Variants in DLL4 observed in about 807,000 individuals in gnomAD.
The protein encoded by DLL4 is delta like canonical Notch ligand 4.
In DLL4, 7 loss-of-function variants were observed where a neutral mutation model predicts 73.6. The ratio of observed to expected loss-of-function variants is 0.10; its 90% CI spans 0.05 to 0.18. The LOEUF (loss-of-function observed/expected upper bound fraction) is 0.18. Ranked by LOEUF, DLL4 falls within the 10% of genes least tolerant of loss-of-function variation. The pLI is 1.00. For missense variants in DLL4, 614 were observed against 929.9 expected (o/e 0.66, Z 4.42); for synonymous variants, 345 against 374.3 (o/e 0.92, Z 0.90).
intron 10 of DLL4, among the ~76,000 whole-genome samples, chr15:40,937,794 G>A (rs1892865723): frequency 2.0e-5 from 3 of 152,140 alleles, no homozygotes; most frequent in Non-Finnish European, 2.9e-5. Flanking sequence ...ATGGGTGAGG[G>A]GGCCCCTCAC....
rs752043172 is a variant in DLL4, at chr15:40,936,776, G to T, written c.1789G>T (p.Asp597Tyr). 1.2e-6 allele frequency: 2 copies of T among 1,613,838 alleles called. No individual in the cohort carries two copies. The highest frequency in any genetic ancestry group is 8.5e-7 in the Non-Finnish European group (1 of 1,179,866). ...NTNQKKELEV[D>Y]CGLDKSNCGK... is the part of the protein sequence containing the mutation. The stretch of plus-strand genomic sequence containing the variant: ...AAACCAGAAGAAGGAGCTGGAAGTG[G>T]ACTGTGGCCTGGACAAGTCCAACTG... Residue 597 changes from aspartate to tyrosine, a missense_variant, in exon 9 of 11, where the codon GAC (aspartate) becomes TAC (tyrosine). Coordinates refer to ENST00000249749, the MANE Select transcript of DLL4 (RefSeq NM_019074.4).
chr15:40,935,576 G>A (rs1441423394), intron 8 of DLL4, among the ~76,000 whole-genome samples: 2 of 152,202 alleles, frequency 1.3e-5, no homozygotes, highest in Admixed American at 6.5e-5. Flanking sequence ...AAAGCCTGTT[G>A]GTAATCCTTG....
In DLL4 at chr15:40,936,314, G is replaced by A. The variant is rs762820678; in HGVS notation, c.1327G>A (p.Asp443Asn). Residue 443 changes from aspartate (D) to asparagine (N), a missense_variant, in exon 9 of 11, where the codon GAC becomes AAC. By Grantham distance (23) the Asp-to-Asn change is conservative (BLOSUM62 1). Transcript: ENST00000249749. ...CACCTACTGTGAACTCCACGTCAGC[G>A]ACTGTGCCCGTAACCCTTGCGCCCA... ...TGTYCELHVS[D>N]CARNPCAHGG... The A allele has an allele frequency of 5.5e-5, 88 of 1,609,234 alleles. No homozygotes were observed. In the Middle Eastern group the frequency reaches 9.9e-4, roughly 18 times the overall value.
chr15:40,930,815 C>A lies in DLL4; in HGVS notation c.394+133C>A. The A allele has an allele frequency of 3.4e-6, 3 of 870,054 alleles. No homozygotes were observed. The highest frequency in any genetic ancestry group is 3.3e-5 in the South Asian group (2 of 61,262). The allele number at this position is 870,054 out of a possible 1,614,324, so 53.9% of individuals were successfully genotyped here. On this transcript the variant is annotated intron_variant, in intron 3 of 10. Transcript: ENST00000249749. The surrounding 1 kb of genome is among the most constrained non-coding windows in gnomAD (Gnocchi z 5.7). ...CTTAGCTTGGCCTGGAGCTGCGCCC[C>A]GCGCTGGACGCTCGGATTCCGCTCG...
rs1335649953 is a variant in DLL4 at position 40,934,708 on chromosome 15, C to T, written c.1011C>T (p.Gly337=). ...ACAGCAACCCCTGTCGCAATGGAGGCAGCTGTAAGGTGAGGCCCAGACCAG... is the reference window on the plus strand; with the variant it reads ...ACAGCAACCCCTGTCGCAATGGAGGTAGCTGTAAGGTGAGGCCCAGACCAG... ...ECDSNPCRNG[G]SCKDQEDGYH... The change falls in exon 7 of 11, where the codon GGC becomes GGT. Residue 337 remains glycine, a synonymous_variant. Transcript: ENST00000249749. The T allele has an allele frequency of 5.0e-6, 8 of 1,613,414 alleles. No homozygotes were observed. The highest frequency in any genetic ancestry group is 5.9e-6 in the Non-Finnish European group (7 of 1,179,700).
chr15:40,936,862 G>A lies in DLL4; in HGVS notation c.1875G>A (p.Gly625=), dbSNP rs773265603. The A allele has an allele frequency of 3.1e-6, 5 of 1,613,072 alleles. No individual in the cohort carries two copies. The highest frequency in any genetic ancestry group is 1.1e-5 in the South Asian group (1 of 91,056). ...YNLAPGPLGR[G]TMPGKFPHSD... is the part of the protein sequence containing the mutation. ...TGGCCCCAGGGCCCCTGGGGCGGGG[G>A]ACCATGCCAGGAAAGTTTCCCCACA... The change falls in exon 9 of 11, where the codon GGG becomes GGA. Residue 625 remains glycine (G), a synonymous_variant. Coordinates refer to ENST00000249749, the MANE Select transcript of DLL4 (RefSeq NM_019074.4).
chr15:40,932,646 G>A (rs1027552509), intron 6 of DLL4, among the ~76,000 whole-genome samples, 199 bp downstream of exon 6: 7 of 152,142 alleles, frequency 4.6e-5, no homozygotes, highest in African/African-American at 1.7e-4. Context: ...CAGGTGCGGC[G>A]GCAGGGGGTG....
rs775051666 is a variant in DLL4 at position 40,936,882 on chromosome 15, C to T, written c.1895C>T (p.Pro632Leu). The change falls in exon 9 of 11, where the codon CCC becomes CTC. Residue 632 changes from proline to leucine, a missense_variant. By Grantham distance (98) the Pro-to-Leu change is moderately conservative. This residue lies in a region of DLL4 where 386 missense variants were observed against 541.3 expected (regional missense o/e 0.71). Coordinates refer to ENST00000249749, the MANE Select transcript of DLL4 (RefSeq NM_019074.4). ...CGGGGGACCATGCCAGGAAAGTTTC[C>T]CCACAGTGACAAGAGCTTAGGAGAG... ...LGRGTMPGKF[P>L]HSDKSLGEKA... is the part of the protein sequence containing the mutation. 6.2e-6 allele frequency: 10 copies of T among 1,612,638 alleles called. No individual in the cohort carries two copies. Among genetic ancestry groups the T allele is most frequent in the Admixed American group, 1.7e-5 (1 of 59,902 alleles).
chr15:40,937,327 C>T (rs1175206248), intron 9 of DLL4, 91 bp from the exon 10 acceptor site: 5 of 900,320 alleles, frequency 5.6e-6, no homozygotes, highest in African/African-American at 4.9e-5. Flanking sequence ...CCAAGAACCA[C>T]CCTGCAGATG....
Position 40,932,339 on chromosome 15 carries a change from C to G in DLL4, c.742C>G (p.Arg248Gly), listed in dbSNP as rs540364384. Residue 248 changes from arginine to glycine, a missense_variant, in exon 6 of 11, where the codon CGG becomes GGG. Around this residue, in one of 3 missense-constraint regions of DLL4, gnomAD observed 227 missense variants for 370.8 expected, o/e 0.61. Coordinates refer to ENST00000249749, the MANE Select transcript of DLL4 (RefSeq NM_019074.4). ...CAGCTGCCGCCCAGGCTGGCAGGGC[C>G]GGCTGTGTAACGAATGCATCCCCCA... ...ECLCRPGWQG[R>G]LCNECIPHNG... 1 of 1,614,012 alleles carries G rather than the reference C, an allele frequency of 6.2e-7. No individual in the cohort carries two copies. The highest frequency in any genetic ancestry group is 2.2e-5 in the East Asian group (1 of 44,880).
Position 40,934,323 on chromosome 15 carries a change from T to TA in DLL4, c.851-209dup, listed in dbSNP as rs561583510. Among the ~76,000 whole-genome samples the TA allele has an allele frequency of 0.035, 3,805 of 109,618 alleles. 144 individuals are homozygous for TA. Among genetic ancestry groups the TA allele is most frequent in the African/African-American group, 0.11 (3,084 of 29,220 alleles). The allele number at this position is 109,618 out of a possible 152,430, so 71.9% of individuals were successfully genotyped here. On this transcript the variant is annotated intron_variant, in intron 6 of 10. Coordinates refer to ENST00000249749, the MANE Select transcript of DLL4 (RefSeq NM_019074.4). ...CCTGGGCGACAGAGTGAGACTCTGT[T>TA]AAAAAAAAAAAAAAAAGAAGGAAAG... is the stretch of plus-strand genomic sequence containing the variant.
Position 40,934,675 on chromosome 15 carries a change from C to T in DLL4, c.978C>T (p.Ser326=), listed in dbSNP as rs372893200. ...GTGTGGACTGTGAGCTGGAGCTCAG[C>T]GAGTGTGACAGCAACCCCTGTCGCA... ...YTGVDCELEL[S]ECDSNPCRNG... is the part of the protein sequence containing the mutation. The change falls in exon 7 of 11, where the codon AGC becomes AGT. Residue 326 remains serine, a synonymous_variant. Coordinates refer to ENST00000249749, the MANE Select transcript of DLL4 (RefSeq NM_019074.4). 77 of 1,613,718 alleles carry T rather than the reference C, an allele frequency of 4.8e-5. No individual in the cohort carries two copies. Among genetic ancestry groups the T allele is most frequent in the South Asian group, 7.7e-5 (7 of 91,080 alleles).
chr15:40,937,672 C>A, intron 10 of DLL4, 146 bp downstream of exon 10: 1 of 702,158 alleles, frequency 1.4e-6, no homozygotes, highest in Non-Finnish European at 2.6e-6. Context: ...CCCTGCTGGC[C>A]TCATTGCCAC....
chr15:40,930,723 G>T lies in DLL4; in HGVS notation c.394+41G>T. On this transcript the variant is annotated intron_variant, in intron 3 of 10. Transcript: ENST00000249749. The surrounding 1 kb of genome is among the most constrained non-coding windows in gnomAD (Gnocchi z 5.7). ...CGCCACCACAGGGGGGCGACACGGCGCAGCGCCGAAAGAGTTAATCTGTTC... is the reference window on the plus strand; with the variant it reads ...CGCCACCACAGGGGGGCGACACGGCTCAGCGCCGAAAGAGTTAATCTGTTC... 2 of 1,597,654 alleles carry T rather than the reference G, an allele frequency of 1.3e-6. No homozygotes were observed. The highest frequency in any genetic ancestry group is 1.7e-6 in the Non-Finnish European group (2 of 1,166,342).
Position 40,930,835 on chromosome 15 carries a change from C to T in DLL4, c.394+153C>T. 4.0e-6 allele frequency: 3 copies of T among 741,656 alleles called. No homozygotes were observed. The highest frequency in any genetic ancestry group is 2.7e-5 in the East Asian group (1 of 36,562). 45.9% of individuals were successfully genotyped at this position (741,656 alleles called of 1,614,324 possible). On this transcript the variant is annotated intron_variant, in intron 3 of 10. Transcript: ENST00000249749. This position sits in a 1 kb window ranked among gnomAD's most constrained non-coding sequence, Gnocchi z 5.7. ...CGCCCCGCGCTGGACGCTCGGATTC[C>T]GCTCGCTGCCTGGACTCAGAGCACA...
Position 40,934,998 on chromosome 15 carries a change from G to C in DLL4, c.1121G>C (p.Gly374Ala), listed in dbSNP as rs1233954323. 2.5e-6 allele frequency: 4 copies of C among 1,613,592 alleles called. No homozygotes were observed. The highest frequency in any genetic ancestry group is 3.4e-6 in the Non-Finnish European group (4 of 1,179,894). Residue 374 changes from glycine to alanine, a missense_variant, in exon 8 of 11, where the codon GGG becomes GCG. This residue lies in a region of DLL4 where 386 missense variants were observed against 541.3 expected (regional missense o/e 0.71). Coordinates refer to ENST00000249749, the MANE Select transcript of DLL4 (RefSeq NM_019074.4). ...TGCGCCGACTCCCCCTGCTTCAATG[G>C]GGGCTCCTGCCGGGAGCGCAACCAG... is the stretch of plus-strand genomic sequence containing the variant. The part of the protein sequence containing the change: ...LSCADSPCFN[G>A]GSCRERNQGA...
In DLL4 at chr15:40,938,380, C is replaced by T. The variant is rs964354796; in HGVS notation, c.*346C>T. On this transcript the variant is annotated 3_prime_UTR_variant, in exon 11 of 11. Transcript: ENST00000249749. ...AGAGTGGCAGTAGCCCCATGGGGCC[C>T]GGAGCTGCTGTGGCCTCCACTGGCA... 10 of 231,890 alleles carry T rather than the reference C, an allele frequency of 4.3e-5. No individual in the cohort carries two copies. Among genetic ancestry groups the T allele is most frequent in the Middle Eastern group, 1.3e-3 (1 of 786 alleles). The allele number at this position is 231,890 out of a possible 1,614,324, so 14.4% of individuals were successfully genotyped here.
chr15:40,934,477 T>C (rs1200990219), intron 6 of DLL4, 71 bp from the exon 7 acceptor site: 1 of 1,530,018 alleles, frequency 6.5e-7, no homozygotes, highest in Non-Finnish European at 8.9e-7. Flanking sequence ...GGGGCAAACA[T>C]GGACTGCAAG....
intron 8 of DLL4, among the ~76,000 whole-genome samples, chr15:40,935,569 G>C (rs187946479): frequency 4.3e-4 from 65 of 152,314 alleles, no homozygotes; most frequent in Admixed American, 3.8e-3. Context: ...GAGGCACAAA[G>C]CCTGTTGGTA....
Sources: allele counts gnomAD v4.1 joint callset (sites outside exome capture counted in the v4.1 genomes callset), GRCh38; gene constraint gnomAD v4.1.1; regional missense constraint gnomAD v4.1.1; non-coding constraint Gnocchi (gnomAD v3.1); transcripts MANE v1.5; gene names NCBI Gene and HGNC (gene_info 2026-07-23, HGNC 2026-07-21).